Variants in CNTN3 observed in about 807,000 individuals in gnomAD.
The protein encoded by CNTN3 is contactin 3.
A neutral mutation model predicts 119.1 loss-of-function variants in CNTN3; 60 were observed. The ratio of observed to expected loss-of-function variants is 0.50; its 90% confidence interval spans 0.41 to 0.62. The LOEUF (loss-of-function observed/expected upper bound fraction) is 0.62. CNTN3 is among the 20% of genes least tolerant of loss of function. The pLI, the probability that CNTN3 is intolerant of heterozygous loss-of-function variation, is 0.00. For synonymous variants in CNTN3, 450 were observed against 438.7 expected, an observed-to-expected ratio of 1.03 and a Z score of -0.32; for missense variants, 1,101 against 1,242.4, an observed-to-expected ratio of 0.89 and a Z score of 1.71.
intron 4 of CNTN3, among the ~76,000 whole-genome samples, chr3:74,428,687 A>G (rs956922401): frequency 2.6e-5 from 4 of 152,208 alleles, no homozygotes; most frequent in African/African-American, 9.6e-5. Context: ...AATTCAGTGT[A>G]GCCTAAGTGT....
At chr3:74,331,295 G>A (rs1703258867) in intron 13 of CNTN3, among the ~76,000 whole-genome samples, 1 of 152,170 alleles carries the variant, frequency 6.6e-6, no homozygotes, top group Non-Finnish European at 1.5e-5. Context: ...CTGTTAAACT[G>A]CCCACAGCAT....
At chr3:74,425,008 C>A in intron 4 of CNTN3, 68 bp from the exon 5 acceptor site, 5 of 1,026,294 alleles carry the variant, frequency 4.9e-6, no homozygotes, top group Non-Finnish European at 7.1e-6. Flanking sequence ...TACACCAAGA[C>A]CTTCCTTTCT....
intron 13 of CNTN3, among the ~76,000 whole-genome samples, chr3:74,322,231 A>G (rs1183678255): frequency 6.6e-6 from 1 of 152,018 alleles, no homozygotes; most frequent in Non-Finnish European, 1.5e-5. Flanking sequence ...CTTGGAGAAC[A>G]TATTTGCAAA....
Position 74,366,704 on chromosome 3 carries a change from A to T in CNTN3, c.947-1002T>A, listed in dbSNP as rs1360588697. The stretch of plus-strand genomic sequence containing the variant: ...ATGAAACTGAAAAGAAACTATGGTT[A>T]TTTAGCTTTTACAGATAATGTATTC... On this transcript the variant is annotated intron_variant, in intron 8 of 22. Coordinates refer to ENST00000263665, the MANE Select transcript of CNTN3 (RefSeq NM_020872.3). 2.0e-5 allele frequency among the ~76,000 whole-genome samples: 3 copies of T among 148,902 alleles called. No homozygotes were observed. In the Admixed American group the frequency reaches 2.0e-4, roughly 10 times the overall value.
chr3:74,482,442 AAGGGAATCTATAAAATCC>A (rs1232430390), intron 4 of CNTN3, among the ~76,000 whole-genome samples: 1 of 152,148 alleles, frequency 6.6e-6, no homozygotes, highest in South Asian at 2.1e-4. Flanking sequence ...ATATGTGATA[AAGGGAATCTATAAAATCC>A]AGGGTAAACA....
At chr3:74,406,391 CTG>C (rs1559585954) in intron 5 of CNTN3, among the ~76,000 whole-genome samples, 1 of 151,902 alleles carries the variant, frequency 6.6e-6, no homozygotes, top group Non-Finnish European at 1.5e-5. Context: ...AAAAATAAGA[CTG>C]AGAATAAATA....
chr3:74,598,052 T>C (rs1704842778), intron 1 of CNTN3, among the ~76,000 whole-genome samples: 1 of 152,064 alleles, frequency 6.6e-6, no homozygotes, highest in African/African-American at 2.4e-5. Flanking sequence ...ATTCCTTTTA[T>C]GGTTTACATC....
chr3:74,332,316 A>T (rs1339487164), intron 13 of CNTN3, among the ~76,000 whole-genome samples: 1 of 152,242 alleles, frequency 6.6e-6, no homozygotes, highest in African/African-American at 2.4e-5. Flanking sequence ...GGGTAATGTC[A>T]TCTTGTATGG....
At chr3:74,324,938 T>C (rs1332531748) in intron 13 of CNTN3, among the ~76,000 whole-genome samples, 1 of 152,224 alleles carries the variant, frequency 6.6e-6, no homozygotes, top group Non-Finnish European at 1.5e-5. Context: ...GATTTCCTGC[T>C]GTGCTCCAAA....
chr3:74,355,465 T>G (rs181724373), intron 11 of CNTN3, among the ~76,000 whole-genome samples: 69 of 151,872 alleles, frequency 4.5e-4, no homozygotes, highest in African/African-American at 1.6e-3. Flanking sequence ...TTTGTTTTGT[T>G]TTGTTTTGAG....
intron 13 of CNTN3, among the ~76,000 whole-genome samples, chr3:74,322,981 A>G (rs1292254970): frequency 2.0e-5 from 3 of 152,206 alleles, no homozygotes; most frequent in Non-Finnish European, 4.4e-5. Context: ...GGTTGCCAGA[A>G]GTTAGGAGGG....
At chr3:74,479,684 G>A (rs554860507) in intron 4 of CNTN3, among the ~76,000 whole-genome samples, 1 of 151,956 alleles carries the variant, frequency 6.6e-6, no homozygotes, top group South Asian at 2.1e-4. Context: ...GTGGGTGTTG[G>A]GGGGTGGACA....
chr3:74,533,863 G>C (rs1345782438), intron 1 of CNTN3, among the ~76,000 whole-genome samples: 1 of 152,034 alleles, frequency 6.6e-6, no homozygotes, highest in Non-Finnish European at 1.5e-5. Flanking sequence ...GTTTTGGGTA[G>C]CCACTTGCTG....
intron 1 of CNTN3, among the ~76,000 whole-genome samples, chr3:74,529,538 T>C (rs1284302143): frequency 6.6e-6 from 1 of 151,942 alleles, no homozygotes; most frequent in East Asian, 1.9e-4. Context: ...CTCAGTCTCA[T>C]TCTGAAGGTT....
chr3:74,572,182 G>A (rs868157926), intron 1 of CNTN3, among the ~76,000 whole-genome samples: 2 of 152,176 alleles, frequency 1.3e-5, no homozygotes, highest in Non-Finnish European at 2.9e-5. Flanking sequence ...ACTACTAGAG[G>A]AAGTGAAATT....
chr3:74,367,520 G>A (rs1704228624), intron 8 of CNTN3, among the ~76,000 whole-genome samples: 1 of 152,054 alleles, frequency 6.6e-6, no homozygotes, highest in Non-Finnish European at 1.5e-5. Flanking sequence ...AATGAACCAT[G>A]TAGCCAGTGA....
At chr3:74,369,426 T>C in intron 7 of CNTN3, 53 bp from the exon 8 acceptor site, 1 of 1,415,068 alleles carries the variant, frequency 7.1e-7, no homozygotes, top group Non-Finnish European at 9.4e-7. Context: ...CTTTTCAACT[T>C]GAGAAAATAA....
At chr3:74,593,071 G>C (rs978839220) in intron 1 of CNTN3, among the ~76,000 whole-genome samples, 2 of 151,850 alleles carry the variant, frequency 1.3e-5, no homozygotes, top group African/African-American at 4.8e-5. Flanking sequence ...TTTTTGTTTT[G>C]TTTTGTTTTT....
At chr3:74,280,602 A>T (rs1701985204) in intron 20 of CNTN3, among the ~76,000 whole-genome samples, 1 of 152,222 alleles carries the variant, frequency 6.6e-6, no homozygotes, top group South Asian at 2.1e-4. Context: ...CCACGAAGAG[A>T]GAACTTGGTT....
Sources: gnomAD v4.1 joint callset for allele counts (sites outside exome capture counted in the v4.1 genomes callset) on GRCh38, gnomAD v4.1.1 for gene constraint, MANE v1.5 for transcripts, NCBI Gene and HGNC (gene_info 2026-07-23, HGNC 2026-07-21) for gene names.